SEMA3D: variants seen among roughly 807,000 people sequenced by gnomAD.
SEMA3D encodes the protein semaphorin-3D.
SEMA3D carries 84 observed loss-of-function variants against 100.1 expected under a neutral mutation model. The observed-to-expected ratio is 0.84, with a 90% CI of 0.70 to 1.01. The LOEUF (loss-of-function observed/expected upper bound fraction) is 1.01, where lower values mean the gene tolerates loss of function less well. Ranked by LOEUF, SEMA3D falls within the 50% of genes least tolerant of loss-of-function variation. The probability of loss-of-function intolerance (pLI) is 0.00; values close to 1 mark genes in which losing one functional copy is unlikely to be tolerated. For missense variants in SEMA3D, 875 were observed against 934.1 expected (o/e 0.94, Z 0.82); for synonymous variants, 312 against 320.7 (o/e 0.97, Z 0.29).
At chr7:85,050,495 A>G in intron 9 of SEMA3D, 1 of 309,138 alleles carries the variant, frequency 3.2e-6, no homozygotes, top group Non-Finnish European at 5.9e-6. Context: ...GTGCTCTACC[A>G]TGTATAATTA....
the SEMA3D span, among the ~76,000 whole-genome samples, chr7:85,206,511 G>A: frequency 1.3e-5 from 2 of 152,014 alleles, no homozygotes; most frequent in African/African-American, 4.8e-5. Context: ...AACACTCCAG[G>A]GCTCTAGGAA....
chr7:85,036,809 A>G (rs1790710178), intron 12 of SEMA3D, 80 bp downstream of exon 12: 1 of 1,160,652 alleles, frequency 8.6e-7, no homozygotes, highest in Non-Finnish European at 1.2e-6. Flanking sequence ...GCTCTGGTGA[A>G]TAGCAGAATT....
Position 85,028,334 on chromosome 7 carries a change from C to G in SEMA3D, c.1192-5721G>C, listed in dbSNP as rs894073310. On this transcript the variant is annotated intron_variant, in intron 12 of 18. Coordinates refer to ENST00000284136, the MANE Select transcript of SEMA3D (RefSeq NM_001384900.1). ...TGGAACTATTGCTGGTCTCAATGTA[C>G]TTGGAATTATCAATGTGCCAATTGT... is the stretch of plus-strand genomic sequence containing the variant. 1.6e-5 allele frequency: 10 copies of G among 611,844 alleles called. No homozygotes were observed. In the African/African-American group the frequency reaches 1.7e-4, roughly 10 times the overall value. 37.9% of individuals were successfully genotyped at this position (611,844 alleles called of 1,614,324 possible).
chr7:85,095,417 G>GA (rs972745496), intron 4 of SEMA3D, among the ~76,000 whole-genome samples: 11 of 150,038 alleles, frequency 7.3e-5, no homozygotes, highest in East Asian at 2.0e-4. Context: ...CTTTCCAAGG[G>GA]AAAAAAAAAT....
At chr7:85,053,443 CT>C (rs1016111618) in intron 9 of SEMA3D, among the ~76,000 whole-genome samples, 2 of 151,810 alleles carry the variant, frequency 1.3e-5, no homozygotes, top group African/African-American at 4.8e-5. Context: ...TCAAAATAAT[CT>C]TTTTTATGTG....
chr7:85,039,612 A>C (rs1790798032), intron 11 of SEMA3D, among the ~76,000 whole-genome samples: 1 of 152,184 alleles, frequency 6.6e-6, no homozygotes, highest in African/African-American at 2.4e-5. Flanking sequence ...AAGTACAGGA[A>C]AGCATTATGC....
chr7:85,073,925 A>C (rs540292475), intron 5 of SEMA3D, among the ~76,000 whole-genome samples: 1 of 152,278 alleles, frequency 6.6e-6, no homozygotes, highest in African/African-American at 2.4e-5. Context: ...TGTCATCATT[A>C]TCTTTAGAAC....
intron 3 of SEMA3D, among the ~76,000 whole-genome samples, chr7:85,121,272 C>A (rs1296413469): frequency 2.0e-5 from 3 of 152,026 alleles, no homozygotes; most frequent in Non-Finnish European, 4.4e-5. Flanking sequence ...AAAATTGTTT[C>A]ATCTTTTTTA....
chr7:85,154,348 A>C (rs972106142), intron 1 of SEMA3D, among the ~76,000 whole-genome samples: 1 of 151,912 alleles, frequency 6.6e-6, no homozygotes, highest in African/African-American at 2.4e-5. Context: ...TAGAAATCTT[A>C]TTTTATTTTT....
intron 1 of SEMA3D, among the ~76,000 whole-genome samples, chr7:85,183,513 C>T (rs944603983): frequency 1.3e-5 from 2 of 152,166 alleles, no homozygotes; most frequent in Non-Finnish European, 2.9e-5. Flanking sequence ...ATATTCCTGA[C>T]CTTCCCTGCC....
chr7:85,204,782 C>T, the SEMA3D span, among the ~76,000 whole-genome samples: 1 of 152,022 alleles, frequency 6.6e-6, no homozygotes, highest in Non-Finnish European at 1.5e-5. Context: ...TTCTTGCATC[C>T]TATTTTTCCT....
chr7:85,158,328 A>G (rs1342605416), intron 1 of SEMA3D, among the ~76,000 whole-genome samples: 1 of 152,184 alleles, frequency 6.6e-6, no homozygotes, highest in Non-Finnish European at 1.5e-5. Context: ...AAGAGAATGC[A>G]TCCCTGAGGG....
intron 3 of SEMA3D, among the ~76,000 whole-genome samples, chr7:85,116,529 C>T (rs1436993052): frequency 6.6e-6 from 1 of 150,640 alleles, no homozygotes; most frequent in Non-Finnish European, 1.5e-5. Context: ...ATTCTGGATT[C>T]AAATCTTTGC....
chr7:85,126,404 CGTGTGTGTGT>C (rs374819280), intron 2 of SEMA3D, among the ~76,000 whole-genome samples: 10 of 134,162 alleles, frequency 7.5e-5, no homozygotes, highest in African/African-American at 1.1e-4. Flanking sequence ...GTGTGTGTGT[CGTGTGTGTGT>C]GTGTGTGTGT....
chr7:85,018,486 A>G (rs1161984015), intron 14 of SEMA3D, among the ~76,000 whole-genome samples, 193 bp from the exon 15 acceptor site: 3 of 151,786 alleles, frequency 2.0e-5, no homozygotes, highest in East Asian at 1.9e-4. Flanking sequence ...AATGATAAAA[A>G]GTTATTTTGT....
rs373975528 is a variant in SEMA3D, at chr7:85,158,075, G to A, written c.-172-4336C>T. Reference sequence around the variant, plus strand: ...GCTGAGGAGGATGTATGTCACCTCAGGACCGTGTGATTATTGCGTTAACTG... The same window carrying A: ...GCTGAGGAGGATGTATGTCACCTCAAGACCGTGTGATTATTGCGTTAACTG... On this transcript the variant is annotated intron_variant, in intron 1 of 18. Coordinates refer to ENST00000284136, the MANE Select transcript of SEMA3D (RefSeq NM_001384900.1). Among the ~76,000 whole-genome samples the A allele has an allele frequency of 5.9e-5, 9 of 152,188 alleles. No individual in the cohort carries two copies. The East Asian group carries it at 1.5e-3, about 26-fold the overall frequency.
At chr7:85,243,698 G>A in the SEMA3D span, among the ~76,000 whole-genome samples, 1 of 152,088 alleles carries the variant, frequency 6.6e-6, no homozygotes, top group Non-Finnish European at 1.5e-5. Flanking sequence ...CAAAAAAAAT[G>A]GAATCTTCCA....
chr7:85,003,850 A>C (rs1789722465), intron 18 of SEMA3D, among the ~76,000 whole-genome samples: 1 of 152,092 alleles, frequency 6.6e-6, no homozygotes, highest in South Asian at 2.1e-4. Context: ...TAAATTGTGA[A>C]CCATAATTTT....
intron 4 of SEMA3D, among the ~76,000 whole-genome samples, chr7:85,092,141 C>T (rs552329588): frequency 7.1e-4 from 108 of 152,162 alleles, no homozygotes; most frequent in African/African-American, 2.5e-3. Flanking sequence ...TAACATTAAT[C>T]CAAATTTTAC....
Sources: allele counts gnomAD v4.1 joint callset (sites outside exome capture counted in the v4.1 genomes callset), GRCh38; gene constraint gnomAD v4.1.1; transcripts MANE v1.5; gene names NCBI Gene and HGNC (gene_info 2026-07-23, HGNC 2026-07-21).